STK32B: variants seen among roughly 807,000 people sequenced by gnomAD.
The protein encoded by STK32B is serine/threonine kinase 32B.
STK32B carries 43 observed loss-of-function variants against 52.6 expected under a neutral mutation model. That is an observed-to-expected ratio of 0.82 (90% CI 0.64 to 1.05). STK32B has a LOEUF of 1.05. Ranked by LOEUF, STK32B falls within the 50% of genes least tolerant of loss-of-function variation. STK32B has a pLI of 0.00. For missense variants in STK32B, 621 were observed against 534.6 expected, an observed-to-expected ratio of 1.16 and a Z score of -1.59; for synonymous variants, 238 against 204.3, an observed-to-expected ratio of 1.17 and a Z score of -1.41.
intron 3 of STK32B, among the ~76,000 whole-genome samples, chr4:5,269,282 C>G (rs914114296): frequency 6.6e-6 from 1 of 152,108 alleles, no homozygotes; most frequent in Non-Finnish European, 1.5e-5. Context: ...ACCACAAAAC[C>G]TCAGAATTCA....
At chr4:5,494,479 G>C (rs1471999192) in intron 11 of STK32B, among the ~76,000 whole-genome samples, 4 of 152,106 alleles carry the variant, frequency 2.6e-5, no homozygotes, top group Admixed American at 1.3e-4. Flanking sequence ...CTCTGCACAT[G>C]AGATGGGTTT....
At chr4:5,455,912 C>A (rs942354156) in intron 7 of STK32B, among the ~76,000 whole-genome samples, 2 of 152,198 alleles carry the variant, frequency 1.3e-5, no homozygotes, top group African/African-American at 4.8e-5. Context: ...TCTCCAGGAT[C>A]AGTTTGTTGT....
At chr4:5,243,935 G>T (rs1360378125) in intron 3 of STK32B, among the ~76,000 whole-genome samples, 1 of 152,168 alleles carries the variant, frequency 6.6e-6, no homozygotes, top group Non-Finnish European at 1.5e-5. Context: ...AAGCCCACTT[G>T]ATCATGGTGG....
chr4:5,059,582 T>G (rs1206623158), intron 1 of STK32B, among the ~76,000 whole-genome samples: 1 of 152,240 alleles, frequency 6.6e-6, no homozygotes, highest in Non-Finnish European at 1.5e-5. Context: ...TGTGATATAT[T>G]CTTGGATTTG....
intron 4 of STK32B, among the ~76,000 whole-genome samples, chr4:5,375,161 C>G (rs138103354): frequency 2.6e-5 from 4 of 152,154 alleles, no homozygotes; most frequent in African/African-American, 9.6e-5. Context: ...CACACCCTTC[C>G]GTGATCTTGC....
intron 3 of STK32B, among the ~76,000 whole-genome samples, chr4:5,322,607 G>T (rs1157142191): frequency 6.6e-6 from 1 of 152,202 alleles, no homozygotes; most frequent in Non-Finnish European, 1.5e-5. Flanking sequence ...GAGAAAGGTG[G>T]CTGTTTCAAA....
intron 3 of STK32B, among the ~76,000 whole-genome samples, chr4:5,306,670 C>T (rs921743287): frequency 6.6e-6 from 1 of 152,094 alleles, no homozygotes; most frequent in Admixed American, 6.6e-5. Context: ...AGGTACTGTT[C>T]TATTCATTGT....
At chr4:5,359,148 C>T (rs1344884310) in intron 4 of STK32B, among the ~76,000 whole-genome samples, 1 of 152,070 alleles carries the variant, frequency 6.6e-6, no homozygotes, top group Non-Finnish European at 1.5e-5. Flanking sequence ...TGAAACCGTT[C>T]CTTAAAGTCA....
chr4:5,444,203 G>A (rs374053325), intron 6 of STK32B, among the ~76,000 whole-genome samples: 2 of 152,150 alleles, frequency 1.3e-5, no homozygotes, highest in Non-Finnish European at 1.5e-5. Flanking sequence ...CCCCAGCCTC[G>A]CTGCCGCCTT....
chr4:5,044,447 C>A, the STK32B span, among the ~76,000 whole-genome samples: 1 of 152,166 alleles, frequency 6.6e-6, no homozygotes, highest in Non-Finnish European at 1.5e-5. Flanking sequence ...CTCCCTTTGC[C>A]CTGCCACACC....
intron 3 of STK32B, among the ~76,000 whole-genome samples, chr4:5,257,223 GTGAGTGAATGAATGAGTGAATGAT>G (rs72304125): frequency 0.12 from 17,515 of 151,684 alleles, 2,771 homozygotes; most frequent in African/African-American, 0.36. Context: ...AAGTGATTAT[GTGAGTGAATGAATGAGTGAATGAT>G]TGAGTGAATG....
chr4:5,238,957 A>T (rs1724817598), intron 3 of STK32B, among the ~76,000 whole-genome samples: 1 of 152,250 alleles, frequency 6.6e-6, no homozygotes, highest in South Asian at 2.1e-4. Flanking sequence ...TAGAAGAGGC[A>T]TTCCTTAATG....
chr4:5,465,846 C>T (rs980765771), intron 9 of STK32B, among the ~76,000 whole-genome samples: 2 of 152,190 alleles, frequency 1.3e-5, no homozygotes, highest in African/African-American at 4.8e-5. Flanking sequence ...GGGACCACCA[C>T]TGTAGGGAGG....
chr4:5,271,035 T>C (rs931294416), intron 3 of STK32B, among the ~76,000 whole-genome samples: 2 of 152,032 alleles, frequency 1.3e-5, no homozygotes, highest in African/African-American at 4.8e-5. Context: ...CCTCCCAGAT[T>C]CAAGCAATTC....
chr4:5,067,197 G>A (rs1175931368), intron 1 of STK32B, among the ~76,000 whole-genome samples: 5 of 152,190 alleles, frequency 3.3e-5, no homozygotes, highest in Non-Finnish European at 5.9e-5. Context: ...TTATAAAACC[G>A]TCAGATCTCA....
intron 1 of STK32B, chr4:5,127,118 G>C (rs1296400639): frequency 1.9e-6 from 1 of 512,918 alleles, no homozygotes; most frequent in South Asian, 1.4e-5. Context: ...AACCAGACGA[G>C]AATAAACAAG....
chr4:5,129,389 A>G (rs1015713680), intron 1 of STK32B, among the ~76,000 whole-genome samples: 4 of 152,178 alleles, frequency 2.6e-5, no homozygotes, highest in African/African-American at 9.7e-5. Flanking sequence ...TTTTGTGACT[A>G]GGTTTCTGGT....
chr4:5,282,971 T>A (rs1728305359), intron 3 of STK32B, among the ~76,000 whole-genome samples: 1 of 152,228 alleles, frequency 6.6e-6, no homozygotes, highest in Middle Eastern at 3.4e-3. Flanking sequence ...CAGTATACAA[T>A]ACATTATGAT....
intron 4 of STK32B, among the ~76,000 whole-genome samples, chr4:5,390,697 G>A (rs1239136972): frequency 6.6e-6 from 1 of 152,032 alleles, no homozygotes; most frequent in African/African-American, 2.4e-5. Context: ...GGTCAGAGGA[G>A]GTCTTTAAGT....
Sources: allele counts gnomAD v4.1 joint callset (sites outside exome capture counted in the v4.1 genomes callset), GRCh38; gene constraint gnomAD v4.1.1; transcripts MANE v1.5; gene names NCBI Gene and HGNC (gene_info 2026-07-23, HGNC 2026-07-21).